Variants in SDK2 observed in about 807,000 individuals in gnomAD.
The protein encoded by SDK2 is protein sidekick-2.
SDK2 carries 105 observed loss-of-function variants against 253.9 expected under a neutral mutation model. The observed-to-expected ratio is 0.41, with a 90% confidence interval of 0.35 to 0.49. The LOEUF is 0.49. Ranked by LOEUF, SDK2 falls within the 20% of genes least tolerant of loss-of-function variation. The probability of loss-of-function intolerance (pLI) is 0.06; values close to 1 mark genes in which losing one functional copy is unlikely to be tolerated. For synonymous variants in SDK2, 1,249 were observed against 1,234.9 expected, an observed-to-expected ratio of 1.01 and a Z score of -0.24; for missense variants, 2,608 against 3,003.0, an observed-to-expected ratio of 0.87 and a Z score of 3.07.
chr17:73,532,429 G>A (rs2064176791), intron 1 of SDK2, among the ~76,000 whole-genome samples: 1 of 152,188 alleles, frequency 6.6e-6, no homozygotes, highest in African/African-American at 2.4e-5. Context: ...CTGCAAACAG[G>A]AGGCCTGGGC....
At chr17:73,442,030 TTC>T (rs1269894082) in intron 5 of SDK2, among the ~76,000 whole-genome samples, 1 of 152,266 alleles carries the variant, frequency 6.6e-6, no homozygotes, top group African/African-American at 2.4e-5. Flanking sequence ...AATACTTTAA[TTC>T]TCTCATTGAA....
At position 73,612,990 on chromosome 17, in the gene SDK2, G is replaced by A. The variant is rs2045996793; in HGVS notation, c.64+31035C>T. Among the ~76,000 whole-genome samples, 1 of 152,190 alleles carries A rather than the reference G, an allele frequency of 6.6e-6. No homozygotes were observed. Among genetic ancestry groups the A allele is most frequent in the Non-Finnish European group, 1.5e-5 (1 of 68,042 alleles). On this transcript the variant is annotated intron_variant, in intron 1 of 44. Coordinates refer to ENST00000392650, the MANE Select transcript of SDK2 (RefSeq NM_001144952.2). This position sits in a 1 kb window ranked among gnomAD's most constrained non-coding sequence, Gnocchi z 4.4. ...AGATGTTTAGTATACACCAGGCTCTGTGCGACATGCTGTCTGATCTGCCAC... is the reference window on the plus strand; with the variant it reads ...AGATGTTTAGTATACACCAGGCTCTATGCGACATGCTGTCTGATCTGCCAC...
intron 1 of SDK2, among the ~76,000 whole-genome samples, chr17:73,563,801 C>A (rs1434010047): frequency 1.3e-5 from 2 of 150,856 alleles, no homozygotes; most frequent in East Asian, 3.9e-4. Context: ...GAGACAGGGT[C>A]TCCCTCTGTC....
In SDK2 at chr17:73,472,167, G is replaced by A. The variant is rs1429416264; in HGVS notation, c.276C>T (p.Ile92=). 22 of 1,551,576 alleles carry A rather than the reference G, an allele frequency of 1.4e-5. No homozygotes were observed. Among genetic ancestry groups the A allele is most frequent in the South Asian group, 9.5e-5 (8 of 84,064 alleles). ...GCAGGGCCCCCATTCGGTTCCGCAC[G>A]ATGCAACGGTAAAAGCCAGCGTGGG... The part of the protein sequence containing the change: ...DRTHAGFYRC[I]VRNRMGALLQ... The change falls in exon 3 of 45, where the codon ATC becomes ATT. Residue 92 remains isoleucine (I), a synonymous_variant. Transcript: ENST00000392650.
In SDK2 at chr17:73,639,461, C is replaced by T. The variant is rs370978144; in HGVS notation, c.64+4564G>A. ...AGGGGAGGGGGCACCCGGGGTGTCT[C>T]GGCAACCAGCTTGTTTTCCTTTCCA... On this transcript the variant is annotated intron_variant, in intron 1 of 44. Coordinates refer to ENST00000392650, the MANE Select transcript of SDK2 (RefSeq NM_001144952.2). The surrounding 1 kb of genome is among the most constrained non-coding windows in gnomAD (Gnocchi z 4.3). Among the ~76,000 whole-genome samples, 110 of 152,318 alleles carry T rather than the reference C, an allele frequency of 7.2e-4. No homozygotes were observed. Among genetic ancestry groups the T allele is most frequent in the African/African-American group, 2.6e-3 (107 of 41,570 alleles).
intron 18 of SDK2, among the ~76,000 whole-genome samples, chr17:73,404,044 A>T (rs2063050979): frequency 6.6e-6 from 1 of 152,054 alleles, no homozygotes; most frequent in Non-Finnish European, 1.5e-5. Flanking sequence ...CATTTTTTTT[A>T]AATAAAGGAA....
chr17:73,343,912 C>T (rs1048341030), intron 44 of SDK2, among the ~76,000 whole-genome samples: 6 of 152,214 alleles, frequency 3.9e-5, no homozygotes, highest in Middle Eastern at 3.4e-3. Context: ...TGTGAAACTC[C>T]GTGGGAGACT....
At chr17:73,603,167 G>C (rs886676367) in intron 1 of SDK2, among the ~76,000 whole-genome samples, 5 of 152,182 alleles carry the variant, frequency 3.3e-5, no homozygotes, top group Non-Finnish European at 5.9e-5. Context: ...GTCATTCCCT[G>C]CTGAGACCAC....
At chr17:73,388,187 G>T in intron 29 of SDK2, 150 bp from the exon 30 acceptor site, 1 of 638,576 alleles carries the variant, frequency 1.6e-6, no homozygotes, top group African/African-American at 1.8e-5. Flanking sequence ...ATCCTTGCAG[G>T]TTCTCACACC....
rs143702793 is a variant in SDK2 at position 73,395,329 on chromosome 17, G to A, written c.3418C>T (p.Arg1140Trp). The change falls in exon 25 of 45, where the codon CGG becomes TGG. Residue 1140 changes from arginine to tryptophan, a missense_variant. Arg to Trp is a moderately radical substitution (Grantham distance 101). Around this residue, in one of 2 missense-constraint regions of SDK2, gnomAD observed 1,505 missense variants for 1,859.1 expected, o/e 0.81. Transcript: ENST00000392650. The surrounding 1 kb of genome is among the most constrained non-coding windows in gnomAD (Gnocchi z 4.3). Reference sequence around the variant, plus strand: ...AGCGTCTTGCCATGCCCGTCTGACCGGCTGTACTTGATCTTATAGCCCACG... The same window carrying A: ...AGCGTCTTGCCATGCCCGTCTGACCAGCTGTACTTGATCTTATAGCCCACG... ...ESVGYKIKYS[R>W]SDGHGKTLSH... is the part of the protein sequence containing the mutation. 26 of 1,613,940 alleles carry A rather than the reference G, an allele frequency of 1.6e-5. No individual in the cohort carries two copies. Among genetic ancestry groups the A allele is most frequent in the Admixed American group, 1.3e-4 (8 of 60,016 alleles).
At chr17:73,531,288 A>G (rs1029151398) in intron 1 of SDK2, among the ~76,000 whole-genome samples, 1 of 152,174 alleles carries the variant, frequency 6.6e-6, no homozygotes, top group African/African-American at 2.4e-5. Flanking sequence ...TGGTCTCTGC[A>G]AGCTTGTAGA....
chr17:73,363,461 G>A (rs1377435421), intron 38 of SDK2, among the ~76,000 whole-genome samples: 1 of 152,168 alleles, frequency 6.6e-6, no homozygotes, highest in Non-Finnish European at 1.5e-5. Flanking sequence ...CAGGGACTCT[G>A]GCTACCTGCT....
chr17:73,527,038 T>A (rs2064131613), intron 1 of SDK2, among the ~76,000 whole-genome samples: 1 of 152,180 alleles, frequency 6.6e-6, no homozygotes, highest in Non-Finnish European at 1.5e-5. Flanking sequence ...CTGTGAGGGA[T>A]GACTAACGGT....
chr17:73,390,672 G>A (rs1362801666), intron 28 of SDK2, among the ~76,000 whole-genome samples, 191 bp from the exon 29 acceptor site: 1 of 152,220 alleles, frequency 6.6e-6, no homozygotes, highest in Non-Finnish European at 1.5e-5. Context: ...CCTGGGGAGG[G>A]TGGACTGTGG....
In SDK2 at chr17:73,398,264, C is replaced by T. The variant is rs2062988978; in HGVS notation, c.3203+56G>A. ...ACCCTGTCCTGGTCTGGGCCATAGC[C>T]CCCACCCACCCCCAGCCCTGAGGCT... On this transcript the variant is annotated intron_variant, in intron 23 of 44. Coordinates refer to ENST00000392650, the MANE Select transcript of SDK2 (RefSeq NM_001144952.2). 1.7e-5 allele frequency: 28 copies of T among 1,603,130 alleles called. No individual in the cohort carries two copies. The Middle Eastern group carries it at 5.0e-4, about 29-fold the overall frequency.
intron 30 of SDK2, 57 bp downstream of exon 30, chr17:73,387,779 C>G (rs1238432512): frequency 6.9e-7 from 1 of 1,454,994 alleles, no homozygotes; most frequent in Non-Finnish European, 9.3e-7. Flanking sequence ...GGAGGAGCAC[C>G]GCTGGTCCCG....
At chr17:73,450,927 A>G (rs1245742063) in intron 4 of SDK2, among the ~76,000 whole-genome samples, 1 of 152,220 alleles carries the variant, frequency 6.6e-6, no homozygotes, top group Non-Finnish European at 1.5e-5. Context: ...GTATATTAAG[A>G]TGGCAGAGAT....
intron 2 of SDK2, among the ~76,000 whole-genome samples, chr17:73,489,634 G>A (rs1393551534): frequency 6.6e-6 from 1 of 152,184 alleles, no homozygotes; most frequent in African/African-American, 2.4e-5. Flanking sequence ...ACAGTCTCCA[G>A]GTTCTTCCCT....
chr17:73,355,084 A>G (rs12948429), intron 40 of SDK2, among the ~76,000 whole-genome samples: 70,495 of 144,192 alleles, frequency 0.49, 18,062 homozygotes, highest in East Asian at 0.81. Context: ...CTGTCCTTGC[A>G]GAAGGCTCCG....
Sources: allele counts gnomAD v4.1 joint callset (sites outside exome capture counted in the v4.1 genomes callset), GRCh38; gene constraint gnomAD v4.1.1; regional missense constraint gnomAD v4.1.1; non-coding constraint Gnocchi (gnomAD v3.1); transcripts MANE v1.5; gene names NCBI Gene and HGNC (gene_info 2026-07-23, HGNC 2026-07-21).